The following NPFFR1 variants were observed in gnomAD, a reference collection of about 807,000 sequenced individuals.
NPFFR1 encodes neuropeptide FF receptor 1.
Under a neutral mutation model 12.7 loss-of-function variants are expected in NPFFR1, and 17 were observed. The observed-to-expected ratio is 1.34, with a 90% CI of 0.92 to 2.01. NPFFR1 has a LOEUF of 2.01. Ranked by LOEUF, NPFFR1 falls within the 30% of genes most tolerant of loss-of-function variation. The pLI is 0.00. For missense variants in NPFFR1, 604 were observed against 606.5 expected, an observed-to-expected ratio of 1.00 and a Z score of 0.04; for synonymous variants, 296 against 264.5, an observed-to-expected ratio of 1.12 and a Z score of -1.16.
At chr10:70,270,858 C>T (rs1840738241) in intron 1 of NPFFR1, among the ~76,000 whole-genome samples, 1 of 152,034 alleles carries the variant, frequency 6.6e-6, no homozygotes, top group African/African-American at 2.4e-5. Context: ...GAGGAGCTTC[C>T]CCATCTCAGG....
chr10:70,282,700 T>C (rs770351961), intron 1 of NPFFR1, among the ~76,000 whole-genome samples: 5 of 152,106 alleles, frequency 3.3e-5, no homozygotes, highest in South Asian at 4.1e-4. Flanking sequence ...GTTCCCCCAT[T>C]CGATAGATGG....
At chr10:70,278,408 C>T (rs1410485974) in intron 1 of NPFFR1, among the ~76,000 whole-genome samples, 1 of 150,940 alleles carries the variant, frequency 6.6e-6, no homozygotes, top group African/African-American at 2.4e-5. Flanking sequence ...CTTTACATTT[C>T]ACTTACATGT....
chr10:70,282,627 C>T (rs1406539456), intron 1 of NPFFR1, among the ~76,000 whole-genome samples: 1 of 152,144 alleles, frequency 6.6e-6, no homozygotes, highest in South Asian at 2.1e-4. Context: ...CTCATACTGG[C>T]GTGTTGTACA....
At chr10:70,261,199 T>A (rs1406058724) in intron 2 of NPFFR1, among the ~76,000 whole-genome samples, 2 of 152,262 alleles carry the variant, frequency 1.3e-5, no homozygotes. Flanking sequence ...GCTATTCTTG[T>A]GATGGTGAGT....
rs1055041833 is a variant in NPFFR1 at position 70,249,814 on chromosome 10, ATACTT to A, written c.*5138_*5142del. ...ATGTTTTTAAAAGAAAGATTTGAAG[ATACTT>A]TACAATAAAAGATATAAGAATGCAG... On this transcript the variant is annotated 3_prime_UTR_variant, in exon 4 of 4. Transcript: ENST00000277942. 41 of 151,950 alleles carry A rather than the reference ATACTT, an allele frequency of 2.7e-4. 1 individual carries two copies. The highest frequency in any genetic ancestry group is 8.9e-4 in the African/African-American group (37 of 41,446). 9.4% of individuals were successfully genotyped at this position (151,950 alleles called of 1,614,324 possible).
chr10:70,277,213 G>A (rs1308406464), intron 1 of NPFFR1, among the ~76,000 whole-genome samples: 5 of 152,198 alleles, frequency 3.3e-5, no homozygotes, highest in Non-Finnish European at 5.9e-5. Flanking sequence ...AGTAAGACAG[G>A]AAGGCGTGGA....
rs191504250 is a variant in NPFFR1, at chr10:70,249,599, C to G, written c.*5358G>C. 2.0e-5 allele frequency: 3 copies of G among 151,564 alleles called. No individual in the cohort carries two copies. Among genetic ancestry groups the G allele is most frequent in the Non-Finnish European group, 4.4e-5 (3 of 67,886 alleles). The allele number at this position is 151,564 out of a possible 1,614,324, so 9.4% of individuals were successfully genotyped here. A position where few individuals can be genotyped will look rare whatever the true frequency, so the allele number is the denominator to read the frequency against. On this transcript the variant is annotated 3_prime_UTR_variant, in exon 4 of 4. Transcript: ENST00000277942. ...CCAGGTTCAAGTGATTCTCCTGCCT[C>G]AGTCTCCCAAGTAGCTGGGATTACA...
At position 70,283,934 on chromosome 10, in the gene NPFFR1, C is replaced by T. The variant is rs1369844864; in HGVS notation, c.-258G>A. ...GCTGCCCGCAGGGCTCAGCCGCCCG[C>T]CGCCCCTCGCCTCCCGACCAGGGGA... is the stretch of plus-strand genomic sequence containing the variant. On this transcript the variant is annotated 5_prime_UTR_variant, in exon 1 of 4. Coordinates refer to ENST00000277942, the MANE Select transcript of NPFFR1 (RefSeq NM_022146.5). Among the ~76,000 whole-genome samples, 3 of 152,168 alleles carry T rather than the reference C, an allele frequency of 2.0e-5. No individual in the cohort carries two copies. In the East Asian group the frequency reaches 5.8e-4, roughly 29 times the overall value.
chr10:70,273,215 G>A (rs914914217), intron 1 of NPFFR1, among the ~76,000 whole-genome samples: 18 of 152,188 alleles, frequency 1.2e-4, no homozygotes, highest in Non-Finnish European at 2.6e-4. Context: ...ATGATGGGCA[G>A]GGGATGGGGT....
At chr10:70,256,633 C>G (rs1840575716) in intron 3 of NPFFR1, among the ~76,000 whole-genome samples, 1 of 152,206 alleles carries the variant, frequency 6.6e-6, no homozygotes, top group South Asian at 2.1e-4. Flanking sequence ...ATGAGGACAA[C>G]TCAGCATCTG....
chr10:70,262,204 T>A (rs1303986635), intron 2 of NPFFR1, among the ~76,000 whole-genome samples: 1 of 152,182 alleles, frequency 6.6e-6, no homozygotes, highest in African/African-American at 2.4e-5. Flanking sequence ...AATGAATCAC[T>A]TACTCAAGAT....
At chr10:70,272,999 T>C (rs1840765494) in intron 1 of NPFFR1, among the ~76,000 whole-genome samples, 1 of 152,212 alleles carries the variant, frequency 6.6e-6, no homozygotes, top group African/African-American at 2.4e-5. Context: ...CAAGGGGTGG[T>C]GTTTCCTCAA....
chr10:70,274,985 T>C lies in NPFFR1; in HGVS notation c.8-8594A>G, dbSNP rs577796886. Reference sequence around the variant, plus strand: ...CCTCTTGAGAACTATAACCTCCTACTGTTCCTCTTGCAGGCTGAACCAAAG... The same window carrying C: ...CCTCTTGAGAACTATAACCTCCTACCGTTCCTCTTGCAGGCTGAACCAAAG... On this transcript the variant is annotated intron_variant, in intron 1 of 3. Transcript: ENST00000277942. Among the ~76,000 whole-genome samples, 10 of 152,320 alleles carry C rather than the reference T, an allele frequency of 6.6e-5. No individual in the cohort carries two copies. In the South Asian group the frequency reaches 1.9e-3, roughly 28 times the overall value.
chr10:70,255,380 C>T lies in NPFFR1; in HGVS notation c.870G>A (p.Leu290=). The T allele has an allele frequency of 3.2e-6, 5 of 1,549,692 alleles. No homozygotes were observed. The highest frequency in any genetic ancestry group is 4.3e-6 in the Non-Finnish European group (5 of 1,150,310). Residue 290 remains leucine (L), a synonymous_variant, in exon 4 of 4, where the codon CTG becomes CTA. Transcript: ENST00000277942. This position sits in a 1 kb window ranked among gnomAD's most constrained non-coding sequence, Gnocchi z 4.2. ...TGAGCTGCCCGTAGTCGATGAGCAG[C>T]AGCAGCGCCCAGAGCGGCAGCCAGG... The part of the protein sequence containing the change: ...TLSWLPLWAL[L]LLIDYGQLSA...
At chr10:70,282,285 G>A (rs771439521) in intron 1 of NPFFR1, among the ~76,000 whole-genome samples, 5 of 152,020 alleles carry the variant, frequency 3.3e-5, no homozygotes, top group Non-Finnish European at 5.9e-5. Context: ...GCCTGCCCTC[G>A]AGCCTAAGCC....
Position 70,283,844 on chromosome 10 carries a change from G to A in NPFFR1, c.-168C>T, listed in dbSNP as rs1398628293. Among the ~76,000 whole-genome samples the A allele has an allele frequency of 6.6e-6, 1 of 152,192 alleles. No individual in the cohort carries two copies. The highest frequency in any genetic ancestry group is 1.9e-4 in the East Asian group (1 of 5,192). ...GGGCAGAGGTGAGCAGGGGGCGTGC[G>A]CTCCCAGGCCCCGGGCCCTGGCCGG... On this transcript the variant is annotated 5_prime_UTR_variant, in exon 1 of 4. Transcript: ENST00000277942.
intron 1 of NPFFR1, among the ~76,000 whole-genome samples, chr10:70,278,691 T>A (rs1245881936): frequency 6.6e-6 from 1 of 152,216 alleles, no homozygotes; most frequent in Non-Finnish European, 1.5e-5. Context: ...TTCTGAGAGA[T>A]CTTGGCAGTG....
At chr10:70,263,373 C>T (rs1486781178) in intron 2 of NPFFR1, among the ~76,000 whole-genome samples, 1 of 152,128 alleles carries the variant, frequency 6.6e-6, no homozygotes, top group Non-Finnish European at 1.5e-5. Flanking sequence ...CCTGGGTTCA[C>T]GCCATTCTCC....
rs547964884 is a variant in NPFFR1, at chr10:70,276,303, C to T, written c.7+7367G>A. 5.3e-4 allele frequency among the ~76,000 whole-genome samples: 81 copies of T among 152,244 alleles called. 1 individual carries two copies. The highest frequency in any genetic ancestry group is 6.8e-3 in the Middle Eastern group (2 of 294). On this transcript the variant is annotated intron_variant, in intron 1 of 3. Transcript: ENST00000277942. Reference sequence around the variant, plus strand: ...CCCTTTGAGATCCATTACCTCCTAACGAGGCATCACTGCTTGGAGTCCTAG... The same window carrying T: ...CCCTTTGAGATCCATTACCTCCTAATGAGGCATCACTGCTTGGAGTCCTAG...
Sources: gnomAD v4.1 joint callset for allele counts (sites outside exome capture counted in the v4.1 genomes callset) on GRCh38, gnomAD v4.1.1 for gene constraint, Gnocchi (gnomAD v3.1) non-coding constraint, MANE v1.5 for transcripts, NCBI Gene and HGNC (gene_info 2026-07-23, HGNC 2026-07-21) for gene names.